DDAH1: variants seen among roughly 807,000 people sequenced by gnomAD.
DDAH1 encodes N(G),N(G)-dimethylarginine dimethylaminohydrolase 1.
In DDAH1, 19 loss-of-function variants were observed where a neutral mutation model predicts 28.8. The observed-to-expected ratio is 0.66, with a 90% CI of 0.46 to 0.97. The LOEUF is 0.97. DDAH1 is among the 50% of genes least tolerant of loss of function. The probability of loss-of-function intolerance (pLI) is 0.00; values close to 1 mark genes in which losing one functional copy is unlikely to be tolerated. For missense variants in DDAH1, 326 were observed against 375.9 expected (o/e 0.87, Z 1.10); for synonymous variants, 153 against 154.4 (o/e 0.99, Z 0.07).
At chr1:85,452,324 A>G (rs966884633) in intron 1 of DDAH1, among the ~76,000 whole-genome samples, 1 of 152,222 alleles carries the variant, frequency 6.6e-6, no homozygotes, top group East Asian at 1.9e-4. Flanking sequence ...TGACAACAAC[A>G]ACGACATAAA....
At chr1:85,403,069 A>G (rs937223182) in intron 1 of DDAH1, among the ~76,000 whole-genome samples, 3 of 151,868 alleles carry the variant, frequency 2.0e-5, no homozygotes, top group Admixed American at 6.6e-5. Context: ...TTGGCTGTGG[A>G]CTGGGACTGT....
At chr1:85,544,988 G>A (rs1474018791) in intron 1 of DDAH1, among the ~76,000 whole-genome samples, 5 of 152,120 alleles carry the variant, frequency 3.3e-5, no homozygotes, top group Non-Finnish European at 7.4e-5. Context: ...TTAAAAGTGG[G>A]GGGTTGGAGA....
intron 1 of DDAH1, among the ~76,000 whole-genome samples, chr1:85,366,714 T>C (rs1053242122): frequency 3.3e-5 from 5 of 152,142 alleles, no homozygotes; most frequent in Admixed American, 6.5e-5. Context: ...GATATATGAA[T>C]GCAGACAAGA....
chr1:85,550,340 G>C (rs892783037), intron 1 of DDAH1, among the ~76,000 whole-genome samples: 3 of 152,138 alleles, frequency 2.0e-5, no homozygotes, highest in Non-Finnish European at 4.4e-5. Flanking sequence ...AGGCCCAGAG[G>C]TTCTGGTCAA....
Position 85,465,026 on chromosome 1 carries a change from G to A in DDAH1, c.20C>T (p.Pro7Leu). Residue 7 changes from proline to leucine, a missense_variant, in exon 1 of 6, where the codon CCC becomes CTC. Transcript: ENST00000284031. MAGLGH[P>L]AAFGRATHAV... ...GTGGGTGGCCCGGCCGAAGGCGGCG[G>A]GGTGGCCGAGCCCGGCCATGGCTTC... 1 of 1,326,468 alleles carries A rather than the reference G, an allele frequency of 7.5e-7. No homozygotes were observed. The highest frequency in any genetic ancestry group is 9.6e-7 in the Non-Finnish European group (1 of 1,041,442). The allele number at this position is 1,326,468 out of a possible 1,614,324, so 82.2% of individuals were successfully genotyped here. A position where few individuals can be genotyped will look rare whatever the true frequency, so the allele number is the denominator to read the frequency against.
intron 1 of DDAH1, among the ~76,000 whole-genome samples, chr1:85,448,449 A>G (rs1289600984): frequency 6.6e-6 from 1 of 152,188 alleles, no homozygotes; most frequent in African/African-American, 2.4e-5. Flanking sequence ...TGAAGTATTC[A>G]TTTCCTCCTT....
chr1:85,363,999 T>C (rs898535932), intron 1 of DDAH1, among the ~76,000 whole-genome samples: 4 of 151,508 alleles, frequency 2.6e-5, no homozygotes, highest in Admixed American at 1.3e-4. Flanking sequence ...GTGGAACAGA[T>C]ACACCTTCTG....
intron 1 of DDAH1, among the ~76,000 whole-genome samples, chr1:85,362,477 CTT>C (rs1186356317): frequency 6.6e-6 from 1 of 152,190 alleles, no homozygotes; most frequent in African/African-American, 2.4e-5. Flanking sequence ...TTTCTACTCT[CTT>C]CTTTCCTTCT....
intron 4 of DDAH1, among the ~76,000 whole-genome samples, chr1:85,343,955 C>T (rs1648674786): frequency 6.6e-6 from 1 of 152,126 alleles, no homozygotes; most frequent in African/African-American, 2.4e-5. Flanking sequence ...GTGTGCTATG[C>T]AATTTAAATG....
Position 85,409,962 on chromosome 1 carries a change from T to C in DDAH1, c.304-51115A>G, listed in dbSNP as rs913688482. Among the ~76,000 whole-genome samples, 17 of 152,160 alleles carry C rather than the reference T, an allele frequency of 1.1e-4. 1 individual carries two copies. Among genetic ancestry groups the C allele is most frequent in the Admixed American group, 9.8e-4 (15 of 15,272 alleles). On this transcript the variant is annotated intron_variant, in intron 1 of 5. Coordinates refer to ENST00000284031, the MANE Select transcript of DDAH1 (RefSeq NM_012137.4). The stretch of plus-strand genomic sequence containing the variant: ...CAATTGTAATCATAACAATTCTCCT[T>C]ATGTATATATCAACAGAGATTATGA...
chr1:85,494,201 A>T (rs374742373), intron 2 of DDAH1: 21 of 152,194 alleles, frequency 1.4e-4, no homozygotes, highest in East Asian at 3.9e-4. Context: ...AGGATATCAC[A>T]CATATAAAGT....
intron 1 of DDAH1, among the ~76,000 whole-genome samples, chr1:85,370,558 A>C (rs1650327362): frequency 6.6e-6 from 1 of 152,016 alleles, no homozygotes; most frequent in Non-Finnish European, 1.5e-5. Flanking sequence ...GGAAGGCACA[A>C]ATGGAAACAG....
Position 85,321,467 on chromosome 1 carries a change from CTTG to C in DDAH1, c.840_842del (p.Asn280del). 1 of 1,613,626 alleles carries C rather than the reference CTTG, an allele frequency of 6.2e-7. No homozygotes were observed. Among genetic ancestry groups the C allele is most frequent in the Non-Finnish European group, 8.5e-7 (1 of 1,179,510 alleles). On this transcript the variant is annotated inframe_deletion, in exon 6 of 6. Transcript: ENST00000284031. The stretch of plus-strand genomic sequence containing the variant: ...ACTCTGCAGCTCAGGAGTCTACTTT[CTTG>C]TTAATTAAAACTGAGCAGCAGGTGA...
rs1391437882 is a variant in DDAH1 at position 85,358,848 on chromosome 1, C to T, written c.304-1G>A. 1 of 1,586,178 alleles carries T rather than the reference C, an allele frequency of 6.3e-7. No individual in the cohort carries two copies. The highest frequency in any genetic ancestry group is 8.6e-7 in the Non-Finnish European group (1 of 1,165,498). On this transcript the variant is annotated splice_acceptor_variant, in intron 1 of 5. Coordinates refer to ENST00000284031, the MANE Select transcript of DDAH1 (RefSeq NM_012137.4). LOFTEE classifies it high-confidence loss of function. ...CTAATGCTTCTTTCATCATGTCAAC[C>T]TGTTGAAAATAAAATGATTCAGATT...
intron 2 of DDAH1, among the ~76,000 whole-genome samples, chr1:85,483,899 G>A (rs1268925734): frequency 6.6e-6 from 1 of 152,258 alleles, no homozygotes; most frequent in South Asian, 2.1e-4. Flanking sequence ...GATCATATTT[G>A]ATCGCAGATA....
In DDAH1 at chr1:85,464,704, GGCGCGCGCCCC is replaced by G; in HGVS notation, c.303+28_303+38del. Reference sequence around the variant, plus strand: ...GGCGGCCGGCGGCGGGGGAGGGCCTGGCGCGCGCCCCGGCCGCGCCCCTCGAGTCGGCAGTT... The same window carrying G: ...GGCGGCCGGCGGCGGGGGAGGGCCTGGGCCGCGCCCCTCGAGTCGGCAGTT... On this transcript the variant is annotated intron_variant, in intron 1 of 5. Transcript: ENST00000284031. The surrounding 1 kb of genome is among the most constrained non-coding windows in gnomAD (Gnocchi z 4.4). The G allele has an allele frequency of 1.4e-6, 2 of 1,438,026 alleles. No homozygotes were observed. Among genetic ancestry groups the G allele is most frequent in the Non-Finnish European group, 9.1e-7 (1 of 1,102,544 alleles). The allele number at this position is 1,438,026 out of a possible 1,614,324, so 89.1% of individuals were successfully genotyped here.
At chr1:85,434,422 G>GTT (rs34431273) in intron 1 of DDAH1, among the ~76,000 whole-genome samples, 8 of 147,156 alleles carry the variant, frequency 5.4e-5, no homozygotes, top group East Asian at 2.0e-4. Context: ...TGTGTGTTTT[G>GTT]TTTTTTTTTT....
intron 1 of DDAH1, chr1:85,496,380 A>G (rs1279674400): frequency 5.3e-6 from 1 of 188,372 alleles, no homozygotes; most frequent in East Asian, 1.9e-4. Flanking sequence ...AGAGAAGAGA[A>G]TTCATGAAAA....
chr1:85,412,818 T>C (rs188790690), intron 1 of DDAH1, among the ~76,000 whole-genome samples: 1 of 152,164 alleles, frequency 6.6e-6, no homozygotes, highest in Non-Finnish European at 1.5e-5. Flanking sequence ...CTGAGTAACA[T>C]GGCAAGACCT....
Sources: allele counts gnomAD v4.1 joint callset (sites outside exome capture counted in the v4.1 genomes callset), GRCh38; gene constraint gnomAD v4.1.1; non-coding constraint Gnocchi (gnomAD v3.1); transcripts MANE v1.5; gene names NCBI Gene and HGNC (gene_info 2026-07-23, HGNC 2026-07-21).